The following ITGB6 variants were observed in gnomAD, a reference collection of about 807,000 sequenced individuals.
The protein encoded by ITGB6 is integrin beta-6.
ITGB6 carries 80 observed loss-of-function variants against 84.5 expected under a neutral mutation model. The ratio of observed to expected loss-of-function variants is 0.95; its 90% confidence interval spans 0.79 to 1.14. The LOEUF (loss-of-function observed/expected upper bound fraction) is 1.14, where lower values mean the gene tolerates loss of function less well. Ranked by LOEUF, ITGB6 falls within the 50% of genes most tolerant of loss-of-function variation. ITGB6 has a pLI of 0.00. For synonymous variants in ITGB6, 383 were observed against 354.9 expected (o/e 1.08, Z -0.89); for missense variants, 1,006 against 968.0 (o/e 1.04, Z -0.52).
intron 1 of ITGB6, 89 bp downstream of exon 1, chr2:160,199,914 A>T: frequency 9.9e-7 from 1 of 1,010,506 alleles, no homozygotes; most frequent in Non-Finnish European, 1.5e-6. Context: ...AGATCAAATA[A>T]AACATGACTT....
chr2:160,131,182 G>C (rs369502616), intron 10 of ITGB6, among the ~76,000 whole-genome samples: 3 of 130,602 alleles, frequency 2.3e-5, no homozygotes, highest in African/African-American at 5.7e-5. Context: ...AGATCTTTCT[G>C]GAATGCCATT....
At chr2:160,176,182 T>C (rs1685413667) in intron 4 of ITGB6, among the ~76,000 whole-genome samples, 1 of 152,208 alleles carries the variant, frequency 6.6e-6, no homozygotes. Context: ...TGGATGTTCT[T>C]GGTCACTTCT....
chr2:160,169,092 A>G, intron 7 of ITGB6, 120 bp downstream of exon 7: 2 of 622,842 alleles, frequency 3.2e-6, no homozygotes, highest in South Asian at 4.4e-5. Flanking sequence ...CGCCCAGTAC[A>G]TTTGGTGTGT....
chr2:160,169,929 T>A (rs2105864368), intron 6 of ITGB6, among the ~76,000 whole-genome samples: 1 of 152,370 alleles, frequency 6.6e-6, no homozygotes, highest in South Asian at 2.1e-4. Context: ...TTGGCATATT[T>A]GTTCCCAAGT....
At chr2:160,184,541 A>G (rs1013584789) in intron 4 of ITGB6, among the ~76,000 whole-genome samples, 5 of 152,222 alleles carry the variant, frequency 3.3e-5, no homozygotes, top group African/African-American at 1.2e-4. Context: ...GCCAAATTCT[A>G]CCAGAAGTAC....
At chr2:160,165,046 A>C (rs1284225056) in intron 7 of ITGB6, among the ~76,000 whole-genome samples, 1 of 152,210 alleles carries the variant, frequency 6.6e-6, no homozygotes, top group Non-Finnish European at 1.5e-5. Context: ...GGAGAAATGA[A>C]AATACTTTCC....
At chr2:160,198,220 A>T (rs865820824) in intron 2 of ITGB6, among the ~76,000 whole-genome samples, 1 of 151,906 alleles carries the variant, frequency 6.6e-6, no homozygotes, top group Admixed American at 6.6e-5. Context: ...ATTCTCTTGA[A>T]TTTTTTTTGT....
intron 10 of ITGB6, among the ~76,000 whole-genome samples, chr2:160,136,349 A>G (rs1158938994): frequency 6.6e-6 from 1 of 152,182 alleles, no homozygotes; most frequent in Admixed American, 6.5e-5. Flanking sequence ...AACCACAATG[A>G]GATACCATCT....
intron 5 of ITGB6, 71 bp from the exon 6 acceptor site, chr2:160,172,801 G>A: frequency 1.7e-6 from 2 of 1,210,596 alleles, no homozygotes; most frequent in Non-Finnish European, 1.2e-6. Flanking sequence ...GATCAATTAT[G>A]CTTGGACACA....
At chr2:160,173,766 T>C (rs1284778464) in intron 5 of ITGB6, among the ~76,000 whole-genome samples, 1 of 152,220 alleles carries the variant, frequency 6.6e-6, no homozygotes, top group East Asian at 1.9e-4. Context: ...TTTTCTTAGA[T>C]TATTCAAATA....
chr2:160,177,985 C>T (rs1177618969), intron 4 of ITGB6, among the ~76,000 whole-genome samples: 3 of 152,194 alleles, frequency 2.0e-5, no homozygotes, highest in Non-Finnish European at 4.4e-5. Flanking sequence ...AGCCATTCTC[C>T]TGCCTCAGCC....
intron 7 of ITGB6, among the ~76,000 whole-genome samples, chr2:160,165,289 T>C (rs1332278732): frequency 6.6e-6 from 1 of 152,210 alleles, no homozygotes; most frequent in Non-Finnish European, 1.5e-5. Flanking sequence ...TTCATGGTAA[T>C]TTCCCTCCTC....
Position 160,196,409 on chromosome 2 carries a change from A to T in ITGB6, c.153T>A (p.His51Gln). The T allele has an allele frequency of 1.9e-6, 3 of 1,607,610 alleles. No individual in the cohort carries two copies. The highest frequency in any genetic ancestry group is 1.7e-6 in the Non-Finnish European group (2 of 1,177,504). Residue 51 changes from histidine to glutamine, a missense_variant, in exon 3 of 15, where the codon CAT becomes CAA. His to Gln is a conservative substitution (Grantham distance 24). Coordinates refer to ENST00000283249, the MANE Select transcript of ITGB6 (RefSeq NM_000888.5). ...CAWCAQENFT[H>Q]PSGVGERCDT... ...CACACCTTTCGCCAACTCCAGATGG[A>T]TGAGTAAAATTCTAAAAAAGAAAAA...
At chr2:160,199,975 G>A in intron 1 of ITGB6, 28 bp downstream of exon 1, 2 of 1,567,794 alleles carry the variant, frequency 1.3e-6, no homozygotes, top group Non-Finnish European at 1.8e-6. Flanking sequence ...TACCACGAAA[G>A]TAATATATCA....
intron 10 of ITGB6, among the ~76,000 whole-genome samples, chr2:160,132,469 T>C (rs916767222): frequency 6.6e-6 from 1 of 152,180 alleles, no homozygotes; most frequent in Admixed American, 6.5e-5. Flanking sequence ...CTTTCAGGTC[T>C]TTTATTTCCC....
intron 7 of ITGB6, among the ~76,000 whole-genome samples, chr2:160,142,525 G>T (rs1204216840): frequency 6.6e-6 from 1 of 152,162 alleles, no homozygotes; most frequent in African/African-American, 2.4e-5. Context: ...CAGTTTAGAG[G>T]CCTTAAGGAG....
At chr2:160,103,154 C>T (rs183790274) in intron 14 of ITGB6, among the ~76,000 whole-genome samples, 1 of 152,186 alleles carries the variant, frequency 6.6e-6, no homozygotes, top group Non-Finnish European at 1.5e-5. Flanking sequence ...TGAATTATAG[C>T]TATGGTAGAA....
chr2:160,174,802 G>A (rs1368278276), intron 4 of ITGB6, among the ~76,000 whole-genome samples: 1 of 152,234 alleles, frequency 6.6e-6, no homozygotes, highest in Non-Finnish European at 1.5e-5. Context: ...GTTTCTAGCT[G>A]TGCATGAAAC....
intron 7 of ITGB6, among the ~76,000 whole-genome samples, chr2:160,168,021 CCACTGGAAA>C (rs1574111194): frequency 6.6e-6 from 1 of 152,234 alleles, no homozygotes; most frequent in East Asian, 1.9e-4. Context: ...CTACTTAAAA[CCACTGGAAA>C]CAAATATCAC....
Sources: gnomAD v4.1 joint callset for allele counts (sites outside exome capture counted in the v4.1 genomes callset) on GRCh38, gnomAD v4.1.1 for gene constraint, MANE v1.5 for transcripts, NCBI Gene and HGNC (gene_info 2026-07-23, HGNC 2026-07-21) for gene names.